Variants in RABGAP1 observed in about 807,000 individuals in gnomAD.
RABGAP1 encodes RAB GTPase activating protein 1.
Under a neutral mutation model 137.6 loss-of-function variants are expected in RABGAP1, and 23 were observed. The observed-to-expected ratio is 0.17, with a 90% CI of 0.12 to 0.24. RABGAP1 has a LOEUF of 0.24. Among genes scored for constraint, RABGAP1 ranks in the 10% least tolerant of loss-of-function variants. The pLI, the probability that RABGAP1 is intolerant of heterozygous loss-of-function variation, is 1.00. For synonymous variants in RABGAP1, 451 were observed against 450.7 expected (o/e 1.00, Z -0.01); for missense variants, 906 against 1,275.8 (o/e 0.71, Z 4.42).
chr9:122,974,415 C>CTTTTTT (rs11331973), intron 2 of RABGAP1, among the ~76,000 whole-genome samples: 1 of 58,218 alleles, frequency 1.7e-5, no homozygotes, highest in Admixed American at 2.2e-4. Context: ...ATGGCTTTGT[C>CTTTTTT]TTTTTTTTTT....
chr9:123,049,351 G>C (rs921980822), intron 13 of RABGAP1, among the ~76,000 whole-genome samples: 12 of 152,192 alleles, frequency 7.9e-5, no homozygotes, highest in South Asian at 6.2e-4. Flanking sequence ...GGGGAAAAGA[G>C]TAAAGGGAGT....
upstream of RABGAP1, among the ~76,000 whole-genome samples, chr9:122,937,310 A>G (rs147242568): frequency 6.6e-6 from 1 of 152,386 alleles, no homozygotes; most frequent in African/African-American, 2.4e-5. Flanking sequence ...TCGAAGAACT[A>G]ACAGGGCTGG....
At chr9:123,004,356 CG>C (rs1308817333) in intron 10 of RABGAP1, among the ~76,000 whole-genome samples, 1 of 152,016 alleles carries the variant, frequency 6.6e-6, no homozygotes, top group African/African-American at 2.4e-5. Flanking sequence ...GTCAAAAGCA[CG>C]GCTCGCTACA....
In RABGAP1 at chr9:122,993,364, C is replaced by T. The variant is rs918174449; in HGVS notation, c.924-2677C>T. ...TTGGCTCATTGCAACCTCCTTCTCC[C>T]GGGTTCAAGTGATTCTACTGCTTCA... On this transcript the variant is annotated intron_variant, in intron 6 of 25. Transcript: ENST00000373647. Among the ~76,000 whole-genome samples the T allele has an allele frequency of 3.9e-5, 6 of 152,154 alleles. No homozygotes were observed. The East Asian group carries it at 7.7e-4, about 20-fold the overall frequency.
intron 13 of RABGAP1, among the ~76,000 whole-genome samples, chr9:123,055,193 TATTG>T (rs1328803910): frequency 6.6e-6 from 1 of 152,110 alleles, no homozygotes; most frequent in Non-Finnish European, 1.5e-5. Context: ...ATATTTCTTT[TATTG>T]ATTGATTGAC....
At chr9:122,942,688 AC>A (rs1449328208) in intron 1 of RABGAP1, among the ~76,000 whole-genome samples, 21 of 132,882 alleles carry the variant, frequency 1.6e-4, no homozygotes, top group African/African-American at 3.4e-4. Context: ...AAAAAAAAAA[AC>A]ACAAAAAAAC....
At chr9:123,004,481 C>T (rs1434079153) in intron 10 of RABGAP1, among the ~76,000 whole-genome samples, 1 of 151,960 alleles carries the variant, frequency 6.6e-6, no homozygotes, top group Non-Finnish European at 1.5e-5. Flanking sequence ...GACGGAGTTT[C>T]ACCATGTTGC....
At chr9:123,039,024 T>C (rs1330420618) in intron 13 of RABGAP1, among the ~76,000 whole-genome samples, 1 of 152,172 alleles carries the variant, frequency 6.6e-6, no homozygotes, top group Admixed American at 6.5e-5. Context: ...GTTTGGGGCT[T>C]GCGTTAGATA....
At chr9:122,961,825 G>A (rs1442883677) in intron 2 of RABGAP1, among the ~76,000 whole-genome samples, 3 of 152,138 alleles carry the variant, frequency 2.0e-5, no homozygotes, top group African/African-American at 7.2e-5. Context: ...ATGTGGAAAT[G>A]TAATATGTTT....
intron 2 of RABGAP1, among the ~76,000 whole-genome samples, chr9:122,962,530 A>T (rs2131644194): frequency 6.6e-6 from 1 of 152,028 alleles, no homozygotes; most frequent in Middle Eastern, 3.4e-3. Context: ...TAAAAAAAAA[A>T]ATAATAAAAA....
intron 13 of RABGAP1, among the ~76,000 whole-genome samples, chr9:123,027,790 T>C (rs1260092306): frequency 1.3e-5 from 2 of 152,232 alleles, no homozygotes; most frequent in African/African-American, 4.8e-5. Context: ...GTTTGAGTCC[T>C]GCCCTCCAAA....
At chr9:122,985,531 T>G (rs1836322717) in intron 3 of RABGAP1, among the ~76,000 whole-genome samples, 2 of 145,384 alleles carry the variant, frequency 1.4e-5, no homozygotes, top group Admixed American at 1.4e-4. Context: ...GGGAATTGCT[T>G]GAAACCAGGA....
At chr9:123,097,671 A>G (rs2035223614) in intron 21 of RABGAP1, 70 bp from the exon 22 acceptor site, 2 of 1,297,094 alleles carry the variant, frequency 1.5e-6, no homozygotes, top group Non-Finnish European at 2.2e-6. Flanking sequence ...AAATGGGATT[A>G]TGCTAAGTAA....
intron 19 of RABGAP1, among the ~76,000 whole-genome samples, chr9:123,084,683 G>A (rs75240868): frequency 0.016 from 2,401 of 152,274 alleles, 35 homozygotes; most frequent in South Asian, 0.066. Flanking sequence ...GATTCAGGAC[G>A]GGATGCCAGG....
At chr9:123,017,373 A>G (rs1233969814) in intron 12 of RABGAP1, among the ~76,000 whole-genome samples, 2 of 152,138 alleles carry the variant, frequency 1.3e-5, no homozygotes, top group Non-Finnish European at 2.9e-5. Context: ...CCTCAAATGT[A>G]TTTATTGAGT....
intron 11 of RABGAP1, among the ~76,000 whole-genome samples, chr9:123,014,558 A>T (rs1236157955): frequency 6.6e-6 from 1 of 152,026 alleles, no homozygotes; most frequent in Non-Finnish European, 1.5e-5. Flanking sequence ...TTTTCATTTT[A>T]TACCGTATTT....
chr9:123,093,844 T>C (rs1249440254), intron 21 of RABGAP1, among the ~76,000 whole-genome samples: 1 of 152,248 alleles, frequency 6.6e-6, no homozygotes, highest in African/African-American at 2.4e-5. Context: ...GTGAGGTTCA[T>C]GGAATCTGTA....
At position 123,104,753 on chromosome 9, in the gene RABGAP1, G is replaced by A. The variant is rs1293919670; in HGVS notation, c.*1540G>A. ...GGTGTGTGGACATTGTGCTAAGGTA[G>A]TTTCAGTGTGTCAACTTTATGAATT... On this transcript the variant is annotated 3_prime_UTR_variant, in exon 26 of 26. Transcript: ENST00000373647. 3 of 152,206 alleles carry A rather than the reference G, an allele frequency of 2.0e-5. No individual in the cohort carries two copies. In the East Asian group the frequency reaches 5.8e-4, roughly 29 times the overall value. The allele number at this position is 152,206 out of a possible 1,614,324, so 9.4% of individuals were successfully genotyped here.
chr9:123,073,071 T>C (rs568517709), intron 15 of RABGAP1, among the ~76,000 whole-genome samples: 41 of 152,218 alleles, frequency 2.7e-4, no homozygotes, highest in African/African-American at 7.2e-4. Context: ...TTTTTAACAG[T>C]GAGGAAGAAA....
Sources: allele counts gnomAD v4.1 joint callset (sites outside exome capture counted in the v4.1 genomes callset), GRCh38; gene constraint gnomAD v4.1.1; transcripts MANE v1.5; gene names NCBI Gene and HGNC (gene_info 2026-07-23, HGNC 2026-07-21).